The following COL6A2 variants were observed in gnomAD, a reference collection of about 807,000 sequenced individuals.
COL6A2 encodes the protein collagen alpha-2(VI) chain.
COL6A2 carries 90 observed loss-of-function variants against 124.9 expected under a neutral mutation model. That is an observed-to-expected ratio of 0.72 (90% CI 0.61 to 0.86). COL6A2 has a LOEUF of 0.86. Among genes scored for constraint, COL6A2 ranks in the 40% least tolerant of loss-of-function variants. The pLI, the probability that COL6A2 is intolerant of heterozygous loss-of-function variation, is 0.00. For missense variants in COL6A2, 1,607 were observed against 1,502.5 expected (o/e 1.07, Z -1.15); for synonymous variants, 793 against 618.2 (o/e 1.28, Z -4.19).
chr21:46,129,455 C>T (rs746401700), intron 27 of COL6A2: 65 of 1,601,122 alleles, frequency 4.1e-5, no homozygotes, highest in African/African-American at 5.4e-5. Flanking sequence ...ACAGGGACAT[C>T]GTGGGGGACC....
rs760893386 is a variant in COL6A2, at chr21:46,116,749, C to G, written c.955-21C>G. ...CAGAAGGACCGGGGCTAATGGAGTT[C>G]CCTCTTCCTTCTCTCTTCAGGGGGC... On this transcript the variant is annotated intron_variant, in intron 9 of 27. Transcript: ENST00000300527. The surrounding 1 kb of genome is among the most constrained non-coding windows in gnomAD (Gnocchi z 4.6). 3.1e-6 allele frequency: 5 copies of G among 1,612,980 alleles called. No individual in the cohort carries two copies. The highest frequency in any genetic ancestry group is 4.2e-6 in the Non-Finnish European group (5 of 1,180,024).
Position 46,126,646 on chromosome 21 carries a change from G to GGGC in COL6A2, c.2461+111_2461+113dup, listed in dbSNP as rs2078674539. ...GGGAGGGGCCGTGCAGGGACCCGGG[G>GGGC]GGCGGCGGAGCCACTGCGGAGGCTG... On this transcript the variant is annotated intron_variant, in intron 27 of 27. Coordinates refer to ENST00000300527, the MANE Select transcript of COL6A2 (RefSeq NM_001849.4). The GGGC allele has an allele frequency of 4.3e-6, 6 of 1,383,752 alleles. No homozygotes were observed. In the Admixed American group the frequency reaches 1.1e-4, roughly 26 times the overall value. 85.7% of individuals were successfully genotyped at this position (1,383,752 alleles called of 1,614,324 possible). A position where few individuals can be genotyped will look rare whatever the true frequency, so the allele number is the denominator to read the frequency against.
In COL6A2 at chr21:46,111,976, C is replaced by G; in HGVS notation, c.116-3C>G. On this transcript the variant is annotated splice_region_variant and splice_polypyrimidine_tract_variant and intron_variant, in intron 2 of 27. Coordinates refer to ENST00000300527, the MANE Select transcript of COL6A2 (RefSeq NM_001849.4). ...GGCTCGTGACAGGTCCTGTGCCCCA[C>G]AGAGAAGACCGACTGCCCCATCCAC... 26 of 1,611,052 alleles carry G rather than the reference C, an allele frequency of 1.6e-5. No homozygotes were observed. Among genetic ancestry groups the G allele is most frequent in the Non-Finnish European group, 2.2e-5 (26 of 1,179,862 alleles).
In COL6A2 at chr21:46,125,442, C is replaced by T. The variant is rs150768869; in HGVS notation, c.1817-23C>T. 2.6e-4 allele frequency: 424 copies of T among 1,610,534 alleles called. 2 individuals are homozygous for T. The East Asian group carries it at 5.2e-3, about 20-fold the overall frequency. The stretch of plus-strand genomic sequence containing the variant: ...GGTCTGAGGTCTCCCCGGTACCCCC[C>T]GATGACCCTGCCACCCCCCCAGACT... On this transcript the variant is annotated intron_variant, in intron 24 of 27. Coordinates refer to ENST00000300527, the MANE Select transcript of COL6A2 (RefSeq NM_001849.4).
At chr21:46,129,873 T>TTTGGAGGCCCTTAC (rs2078738156) in intron 27 of COL6A2, 1 of 1,028,844 alleles carries the variant, frequency 9.7e-7, no homozygotes, top group Non-Finnish European at 1.2e-6. Flanking sequence ...TGTGGAAGTC[T>TTTGGAGGCCCTTAC]TTGGAGGCCC....
rs1482895315 is a variant in COL6A2 at position 46,117,380 on chromosome 21, C to T, written c.1000-20C>T. 6.2e-7 allele frequency: 1 copy of T among 1,611,890 alleles called. No homozygotes were observed. ...CCCAGAACCCCGCCCTGAGACTCCTCCTGCCCCCTTCTCCTTCAGGGCAAG... is the reference window on the plus strand; with the variant it reads ...CCCAGAACCCCGCCCTGAGACTCCTTCTGCCCCCTTCTCCTTCAGGGCAAG... On this transcript the variant is annotated intron_variant, in intron 10 of 27. Coordinates refer to ENST00000300527, the MANE Select transcript of COL6A2 (RefSeq NM_001849.4).
intron 27 of COL6A2, among the ~76,000 whole-genome samples, chr21:46,130,543 CAGG>C (rs530039669): frequency 0.013 from 1,954 of 152,134 alleles, 20 homozygotes; most frequent in Middle Eastern, 0.041. Context: ...GGATCCTCCA[CAGG>C]AGGAGGAGAG....
rs767184248 is a variant in COL6A2, at chr21:46,112,815, C to T, written c.726C>T (p.Ala242=). Residue 242 remains alanine (A), a synonymous_variant, in exon 4 of 28, where the codon GCC becomes GCT. Transcript: ENST00000300527. ...NRIIKVMKHE[A]YGECYKVSCL... is the part of the protein sequence containing the mutation. ...TGTCTTTTCTGCAGAAACACGAAGC[C>T]TACGGAGAGGTGAGTGGCGCTTCCC... 9 of 1,613,674 alleles carry T rather than the reference C, an allele frequency of 5.6e-6. No homozygotes were observed. Among genetic ancestry groups the T allele is most frequent in the African/African-American group, 1.3e-5 (1 of 74,948 alleles).
intron 1 of COL6A2, among the ~76,000 whole-genome samples, chr21:46,104,717 G>A (rs566541374): frequency 6.6e-6 from 1 of 152,306 alleles, no homozygotes; most frequent in Non-Finnish European, 1.5e-5. Flanking sequence ...AACTCAAAGA[G>A]ACCCACACTG....
At chr21:46,125,212 G>C in intron 23 of COL6A2, 54 bp from the exon 24 acceptor site, 1 of 1,546,558 alleles carries the variant, frequency 6.5e-7, no homozygotes, top group Non-Finnish European at 8.9e-7. Flanking sequence ...ACCTTGCTGT[G>C]GAAACTCTTC....
chr21:46,127,590 G>A (rs2123673151), intron 27 of COL6A2, among the ~76,000 whole-genome samples: 1 of 152,276 alleles, frequency 6.6e-6, no homozygotes, highest in African/African-American at 2.4e-5. Context: ...TCAGCAGCAG[G>A]GGCACCTGGA....
intron 16 of COL6A2, 60 bp downstream of exon 16, chr21:46,120,637 T>C (rs1222340571): frequency 1.4e-6 from 2 of 1,396,880 alleles, no homozygotes; most frequent in Admixed American, 3.0e-5. Flanking sequence ...GCAGGGGGGC[T>C]GCACCCCAAG....
intron 1 of COL6A2, among the ~76,000 whole-genome samples, chr21:46,111,058 G>A (rs991857678): frequency 2.6e-5 from 4 of 152,114 alleles, no homozygotes; most frequent in African/African-American, 9.7e-5. Context: ...TCTCTCTCCC[G>A]CCCTCCCCTC....
chr21:46,123,157 C>T (rs1208981466), intron 21 of COL6A2, among the ~76,000 whole-genome samples: 2 of 115,204 alleles, frequency 1.7e-5, no homozygotes, highest in Non-Finnish European at 3.6e-5. Flanking sequence ...CCCCAACATC[C>T]CCCCCACAGC....
intron 27 of COL6A2, among the ~76,000 whole-genome samples, chr21:46,126,953 C>G (rs912789099): frequency 1.3e-5 from 2 of 152,120 alleles, no homozygotes; most frequent in East Asian, 3.9e-4. Flanking sequence ...ACTGACACCC[C>G]CCAGCACCAG....
chr21:46,123,219 A>G (rs1423265016), intron 21 of COL6A2, among the ~76,000 whole-genome samples: 4 of 101,764 alleles, frequency 3.9e-5, no homozygotes, highest in Non-Finnish European at 6.9e-5. Context: ...ATCCCCCCAG[A>G]GTCCCCTCCC....
intron 1 of COL6A2, among the ~76,000 whole-genome samples, chr21:46,105,674 A>T (rs1432333663): frequency 6.6e-6 from 1 of 152,210 alleles, no homozygotes; most frequent in Non-Finnish European, 1.5e-5. Flanking sequence ...TAATTTTAGG[A>T]TGTTAAAATG....
At chr21:46,120,075 C>CAGGCACCATTCACCCCCGGCCCACTG (rs1322365903) in intron 15 of COL6A2, among the ~76,000 whole-genome samples, 1 of 87,192 alleles carries the variant, frequency 1.1e-5, no homozygotes, top group Non-Finnish European at 2.7e-5. Context: ...CACAGCTGTG[C>CAGGCACCATTCACCCCCGGCCCACTG]AGGCACCATT....
rs945910124 is a variant in COL6A2 at position 46,098,142 on chromosome 21, G to A, written c.-59G>A. 14 of 152,330 alleles carry A rather than the reference G, an allele frequency of 9.2e-5. No individual in the cohort carries two copies. Among genetic ancestry groups the A allele is most frequent in the Admixed American group, 3.3e-4 (5 of 15,294 alleles). 9.4% of individuals were successfully genotyped at this position (152,330 alleles called of 1,614,324 possible). A position where few individuals can be genotyped will look rare whatever the true frequency, so the allele number is the denominator to read the frequency against. ...CTGCTTACTCGGCGCCCGCGCCTCG[G>A]GCCGTCGGGAGCGGAGCCTCCTCGG... is the stretch of plus-strand genomic sequence containing the variant. On this transcript the variant is annotated 5_prime_UTR_variant, in exon 1 of 28. Transcript: ENST00000300527.
Sources: gnomAD v4.1 joint callset for allele counts (sites outside exome capture counted in the v4.1 genomes callset) on GRCh38, gnomAD v4.1.1 for gene constraint, Gnocchi (gnomAD v3.1) non-coding constraint, MANE v1.5 for transcripts, NCBI Gene and HGNC (gene_info 2026-07-23, HGNC 2026-07-21) for gene names.